BCR: variants seen among roughly 807,000 people sequenced by gnomAD.
BCR encodes the protein BCR activator of RhoGEF and GTPase.
Under a neutral mutation model 138.6 loss-of-function variants are expected in BCR, and 58 were observed. The ratio of observed to expected loss-of-function variants is 0.42; its 90% CI spans 0.34 to 0.52. The LOEUF (loss-of-function observed/expected upper bound fraction) is 0.52. Among genes scored for constraint, BCR ranks in the 20% least tolerant of loss-of-function variants. The pLI is 0.06. For synonymous variants in BCR, 786 were observed against 730.1 expected (o/e 1.08, Z -1.23); for missense variants, 1,599 against 1,727.2 (o/e 0.93, Z 1.32).
intron 15 of BCR, among the ~76,000 whole-genome samples, chr22:23,294,122 G>T (rs934824652): frequency 2.0e-5 from 3 of 152,156 alleles, no homozygotes; most frequent in Admixed American, 6.5e-5. Context: ...AAATGGAGCA[G>T]AAAGAACAGA....
At chr22:23,190,097 TTGC>T (rs2146199349) in intron 1 of BCR, among the ~76,000 whole-genome samples, 1 of 152,356 alleles carries the variant, frequency 6.6e-6, no homozygotes, top group African/African-American at 2.4e-5. Flanking sequence ...TGCCATGGTC[TTGC>T]TGCCTCTGCA....
intron 1 of BCR, among the ~76,000 whole-genome samples, chr22:23,196,523 G>A (rs1007493599): frequency 9.9e-5 from 15 of 152,120 alleles, no homozygotes; most frequent in African/African-American, 3.1e-4. Flanking sequence ...GTCGTCTCTC[G>A]ATATCCGCAG....
chr22:23,211,113 TG>T, intron 1 of BCR, among the ~76,000 whole-genome samples: 1 of 152,034 alleles, frequency 6.6e-6, no homozygotes, highest in East Asian at 1.9e-4. Context: ...TCTGCCTCTG[TG>T]GATTTGTCTT....
intron 1 of BCR, among the ~76,000 whole-genome samples, chr22:23,238,289 G>A (rs1382044656): frequency 6.6e-6 from 1 of 152,140 alleles, no homozygotes; most frequent in Admixed American, 6.5e-5. Flanking sequence ...GAATGGAAGA[G>A]TTCCTGGCCA....
At chr22:23,213,835 T>TAAA (rs376154209) in intron 1 of BCR, among the ~76,000 whole-genome samples, 1 of 136,158 alleles carries the variant, frequency 7.3e-6, no homozygotes, top group African/African-American at 2.8e-5. Flanking sequence ...CCCTGTCTCT[T>TAAA]AAAAAAAAAA....
rs999893351 is a variant in BCR, at chr22:23,202,866, T to C, written c.1279+20627T>C. 1.4e-3 allele frequency among the ~76,000 whole-genome samples: 220 copies of C among 152,160 alleles called. 2 individuals are homozygous for C. Among genetic ancestry groups the C allele is most frequent in the African/African-American group, 5.2e-3 (214 of 41,508 alleles). ...TCAGTGAATTTTTTTGTGGGGTTTT[T>C]TTTTTGTTTGTTTTTGAAACAGGAT... On this transcript the variant is annotated intron_variant, in intron 1 of 22. Coordinates refer to ENST00000305877, the MANE Select transcript of BCR (RefSeq NM_004327.4).
intron 4 of BCR, among the ~76,000 whole-genome samples, chr22:23,267,223 G>A (rs1568963879): frequency 6.6e-6 from 1 of 152,128 alleles, no homozygotes; most frequent in Non-Finnish European, 1.5e-5. Flanking sequence ...GACTTGCAAA[G>A]GAGGGAGGAG....
chr22:23,210,652 C>T (rs564758384), intron 1 of BCR, among the ~76,000 whole-genome samples: 1 of 152,174 alleles, frequency 6.6e-6, no homozygotes, highest in Non-Finnish European at 1.5e-5. Context: ...GGCATTTCTC[C>T]TACTTGCAGC....
rs889052405 is a variant in BCR at position 23,234,835 on chromosome 22, C to T, written c.1280-18964C>T. ...GGAGCCGTGGGACCAGGGCCGAACC[C>T]GTGTGCTGGACAGTCTTCGGGGCCC... On this transcript the variant is annotated intron_variant, in intron 1 of 22. Transcript: ENST00000305877. 1.3e-4 allele frequency among the ~76,000 whole-genome samples: 19 copies of T among 143,896 alleles called. 1 individual carries two copies. Among genetic ancestry groups the T allele is most frequent in the African/African-American group, 4.4e-4 (18 of 40,790 alleles). The allele number at this position is 143,896 out of a possible 152,430, so 94.4% of individuals were successfully genotyped here.
chr22:23,293,878 C>T (rs553578708), intron 15 of BCR, among the ~76,000 whole-genome samples: 8 of 152,208 alleles, frequency 5.3e-5, no homozygotes, highest in South Asian at 4.2e-4. Context: ...TCCATTTCCC[C>T]GCCAAGAAGC....
intron 1 of BCR, among the ~76,000 whole-genome samples, chr22:23,185,962 C>G (rs2072337710): frequency 6.6e-6 from 1 of 152,120 alleles, no homozygotes; most frequent in South Asian, 2.1e-4. Context: ...ATCTTCTGAC[C>G]TCGGGTTCCG....
chr22:23,182,736 A>G (rs1032398075), intron 1 of BCR, among the ~76,000 whole-genome samples: 5 of 152,176 alleles, frequency 3.3e-5, no homozygotes, highest in African/African-American at 1.2e-4. Flanking sequence ...GAAACCTGAG[A>G]TATGCTAGCT....
intron 8 of BCR, 79 bp from the exon 9 acceptor site, chr22:23,283,898 C>A: frequency 6.8e-7 from 1 of 1,462,618 alleles, no homozygotes; most frequent in Non-Finnish European, 9.0e-7. Flanking sequence ...CAACCTGCTC[C>A]TGCTGGGCTG....
At chr22:23,189,690 T>C (rs28630088) in intron 1 of BCR, among the ~76,000 whole-genome samples, 4,589 of 151,820 alleles carry the variant, frequency 0.03, 241 homozygotes, top group African/African-American at 0.11. Flanking sequence ...TTAGTAGAGA[T>C]GGGGTTTCAC....
chr22:23,225,660 A>G (rs553394311), intron 1 of BCR, among the ~76,000 whole-genome samples: 3 of 152,330 alleles, frequency 2.0e-5, no homozygotes, highest in Middle Eastern at 3.4e-3. Context: ...TTCGCAATGC[A>G]CTTCAGCAGA....
chr22:23,239,179 A>C (rs1309852240), intron 1 of BCR, among the ~76,000 whole-genome samples: 1 of 152,106 alleles, frequency 6.6e-6, no homozygotes, highest in Non-Finnish European at 1.5e-5. Context: ...TGTGGGAAGG[A>C]GAGTCTGAAA....
intron 1 of BCR, chr22:23,199,343 C>G (rs1250318510): frequency 3.9e-6 from 2 of 517,260 alleles, no homozygotes; most frequent in Non-Finnish European, 7.7e-6. Flanking sequence ...TCCTGGCTTC[C>G]CCGGCCCTTG....
intron 1 of BCR, among the ~76,000 whole-genome samples, chr22:23,228,895 T>G (rs2072922147): frequency 6.6e-6 from 1 of 152,234 alleles, no homozygotes; most frequent in South Asian, 2.1e-4. Flanking sequence ...AAATTTATGT[T>G]CTTCCCCTAA....
intron 1 of BCR, among the ~76,000 whole-genome samples, chr22:23,224,625 T>C (rs1173659033): frequency 6.6e-6 from 1 of 152,178 alleles, no homozygotes; most frequent in African/African-American, 2.4e-5. Context: ...CTCACGCCTG[T>C]AATCCCAACA....
Sources: gnomAD v4.1 joint callset for allele counts (sites outside exome capture counted in the v4.1 genomes callset) on GRCh38, gnomAD v4.1.1 for gene constraint, MANE v1.5 for transcripts, NCBI Gene and HGNC (gene_info 2026-07-23, HGNC 2026-07-21) for gene names.